Variants in TNFSF4 observed in about 807,000 individuals in gnomAD.
The protein encoded by TNFSF4 is TNF superfamily member 4, also known as tumor necrosis factor ligand superfamily member 4.
In TNFSF4, 4 loss-of-function variants were observed where a neutral mutation model predicts 7.3. That is an observed-to-expected ratio of 0.55 (90% confidence interval 0.27 to 1.25). TNFSF4 has a LOEUF of 1.25. Ranked by LOEUF, TNFSF4 falls within the 50% of genes most tolerant of loss-of-function variation. The pLI, the probability that TNFSF4 is intolerant of heterozygous loss-of-function variation, is 0.12. For synonymous variants in TNFSF4, 76 were observed against 83.7 expected (o/e 0.91, Z 0.50); for missense variants, 181 against 208.8 (o/e 0.87, Z 0.82).
At chr1:173,322,812 A>C in the TNFSF4 span, among the ~76,000 whole-genome samples, 1 of 152,164 alleles carries the variant, frequency 6.6e-6, no homozygotes, top group Non-Finnish European at 1.5e-5. Flanking sequence ...CTGAGATGAA[A>C]TTGCAAGGCA....
At chr1:173,391,731 G>T in the TNFSF4 span, among the ~76,000 whole-genome samples, 2 of 152,076 alleles carry the variant, frequency 1.3e-5, no homozygotes, top group Non-Finnish European at 2.9e-5. Flanking sequence ...CCTCTAAATG[G>T]AGGTGAGAAC....
chr1:173,173,652 C>CATAT, the TNFSF4 span, among the ~76,000 whole-genome samples: 1 of 152,228 alleles, frequency 6.6e-6, no homozygotes, highest in Admixed American at 6.5e-5. Context: ...GGCCCAACAC[C>CATAT]ATATGTAAGC....
chr1:173,336,369 T>C, the TNFSF4 span, among the ~76,000 whole-genome samples: 10 of 152,236 alleles, frequency 6.6e-5, no homozygotes, highest in African/African-American at 2.4e-4. Flanking sequence ...CTTAAGTTTA[T>C]GCAGATGGTG....
the TNFSF4 span, among the ~76,000 whole-genome samples, chr1:173,416,638 T>TATTTATTTATTTTTTGAGA: frequency 0.022 from 2,376 of 110,036 alleles, 44 homozygotes; most frequent in Middle Eastern, 0.033. Context: ...ATTTATTTTT[T>TATTTATTTATTTTTTGAGA]GAGAGAGAGA....
the TNFSF4 span, among the ~76,000 whole-genome samples, chr1:173,215,901 G>A: frequency 6.6e-6 from 1 of 152,144 alleles, no homozygotes; most frequent in African/African-American, 2.4e-5. Flanking sequence ...TGCGATAAGT[G>A]TGGTCTGTGG....
At chr1:173,449,411 T>C in the TNFSF4 span, among the ~76,000 whole-genome samples, 1 of 151,828 alleles carries the variant, frequency 6.6e-6, no homozygotes, top group South Asian at 2.1e-4. Context: ...TGGAGTGCAG[T>C]GGCACAATCT....
chr1:173,384,340 C>T, the TNFSF4 span, among the ~76,000 whole-genome samples: 2 of 152,226 alleles, frequency 1.3e-5, no homozygotes, highest in East Asian at 3.9e-4. Context: ...TCGGGAGAAG[C>T]AGGTCAAGGT....
chr1:173,293,160 A>G, the TNFSF4 span, among the ~76,000 whole-genome samples: 2 of 152,212 alleles, frequency 1.3e-5, no homozygotes, highest in Non-Finnish European at 2.9e-5. Context: ...AAGCCAAGGC[A>G]ATCCTAAGCA....
chr1:173,228,281 G>A, the TNFSF4 span, among the ~76,000 whole-genome samples: 2 of 152,232 alleles, frequency 1.3e-5, no homozygotes, highest in African/African-American at 2.4e-5. Context: ...AATATTCGCT[G>A]TTCTGCAGCC....
At chr1:173,205,232 C>A in intron 1 of TNFSF4, 1 of 1,553,214 alleles carries the variant, frequency 6.4e-7, no homozygotes, top group Middle Eastern at 1.7e-4. Flanking sequence ...AAGCAAACAA[C>A]TCAAATATAC....
chr1:173,450,612 C>T, the TNFSF4 span, among the ~76,000 whole-genome samples: 3 of 151,592 alleles, frequency 2.0e-5, no homozygotes, highest in Admixed American at 2.0e-4. Flanking sequence ...ATGCAAGGCT[C>T]ACTCAACATT....
chr1:173,370,874 C>T, the TNFSF4 span, among the ~76,000 whole-genome samples: 3 of 152,166 alleles, frequency 2.0e-5, no homozygotes, highest in African/African-American at 7.2e-5. Context: ...GGCCAATCAC[C>T]CAGTAGGGCT....
the TNFSF4 span, among the ~76,000 whole-genome samples, chr1:173,346,395 C>T: frequency 1.3e-5 from 2 of 152,112 alleles, no homozygotes; most frequent in African/African-American, 2.4e-5. Context: ...GAATTCTGTA[C>T]CCACTCCCAT....
At chr1:173,323,836 A>C in the TNFSF4 span, among the ~76,000 whole-genome samples, 3 of 152,174 alleles carry the variant, frequency 2.0e-5, no homozygotes, top group Non-Finnish European at 1.5e-5. Flanking sequence ...AAAATGAACA[A>C]AGCCTGCAAG....
the TNFSF4 span, among the ~76,000 whole-genome samples, chr1:173,437,595 T>C: frequency 2.9e-4 from 44 of 152,310 alleles, no homozygotes; most frequent in East Asian, 7.1e-3. Context: ...TGTACTCTTT[T>C]AGGTAAAAAT....
At chr1:173,296,603 G>C in the TNFSF4 span, among the ~76,000 whole-genome samples, 106 of 152,010 alleles carry the variant, frequency 7.0e-4, 1 homozygote, top group African/African-American at 2.5e-3. Flanking sequence ...GTTGAGTGAG[G>C]GGTAGGGAGA....
chr1:173,283,291 T>TCCC, the TNFSF4 span, among the ~76,000 whole-genome samples: 8 of 149,524 alleles, frequency 5.4e-5, no homozygotes, highest in African/African-American at 2.0e-4. Context: ...CCCCATCCTT[T>TCCC]CCCCCCCCAA....
chr1:173,377,007 T>C, the TNFSF4 span, among the ~76,000 whole-genome samples: 2 of 152,154 alleles, frequency 1.3e-5, no homozygotes, highest in African/African-American at 4.8e-5. Flanking sequence ...AGCTAGACCA[T>C]GAACCCATCA....
the TNFSF4 span, among the ~76,000 whole-genome samples, chr1:173,328,702 A>G: frequency 6.6e-6 from 1 of 152,066 alleles, no homozygotes; most frequent in African/African-American, 2.4e-5. Context: ...ATAAAAATAA[A>G]TAAAACTGCT....
Sources: allele counts gnomAD v4.1 joint callset (sites outside exome capture counted in the v4.1 genomes callset), GRCh38; gene constraint gnomAD v4.1.1; transcripts MANE v1.5; gene names NCBI Gene and HGNC (gene_info 2026-07-23, HGNC 2026-07-21).